Variants in KCNQ1 observed in about 807,000 individuals in gnomAD.
The protein encoded by KCNQ1 is potassium voltage-gated channel subfamily KQT member 1.
In KCNQ1, 49 loss-of-function variants were observed where a neutral mutation model predicts 72.4. The observed-to-expected ratio is 0.68, with a 90% CI of 0.54 to 0.86. The LOEUF (loss-of-function observed/expected upper bound fraction) is 0.86, where lower values mean the gene tolerates loss of function less well. Ranked by LOEUF, KCNQ1 falls within the 40% of genes least tolerant of loss-of-function variation. KCNQ1 has a pLI of 0.00. For synonymous variants in KCNQ1, 450 were observed against 412.6 expected, an observed-to-expected ratio of 1.09 and a Z score of -1.10; for missense variants, 790 against 945.1, an observed-to-expected ratio of 0.84 and a Z score of 2.15.
At position 2,848,293 on chromosome 11, in the gene KCNQ1, A is replaced by G. The variant is rs765204255; in HGVS notation, c.*290A>G. On this transcript the variant is annotated 3_prime_UTR_variant, in exon 16 of 16. Transcript: ENST00000155840. ...TGACATCACTGGCATGGTGGTTGGG[A>G]CCCAGTGGCAGGGCACAGGGCCTGG... is the stretch of plus-strand genomic sequence containing the variant. 42 of 633,150 alleles carry G rather than the reference A, an allele frequency of 6.6e-5. No individual in the cohort carries two copies. Among genetic ancestry groups the G allele is most frequent in the Admixed American group, 1.5e-4 (7 of 45,974 alleles). 39.2% of individuals were successfully genotyped at this position (633,150 alleles called of 1,614,324 possible). A position where few individuals can be genotyped will look rare whatever the true frequency, so the allele number is the denominator to read the frequency against.
intron 1 of KCNQ1, among the ~76,000 whole-genome samples, chr11:2,480,791 C>G (rs779536414): frequency 1.3e-5 from 2 of 150,306 alleles, no homozygotes; most frequent in Non-Finnish European, 3.0e-5. Context: ...ACAACAGTAC[C>G]ACATGGTTAC....
chr11:2,814,279 T>A (rs966811383), intron 15 of KCNQ1, among the ~76,000 whole-genome samples: 29 of 125,194 alleles, frequency 2.3e-4, no homozygotes, highest in African/African-American at 9.9e-4. Context: ...GGATGGATGG[T>A]GGGATGGATG....
In KCNQ1 at chr11:2,478,658, C is replaced by T. The variant is rs1031048756; in HGVS notation, c.386+33174C>T. Among the ~76,000 whole-genome samples, 1 of 152,196 alleles carries T rather than the reference C, an allele frequency of 6.6e-6. No individual in the cohort carries two copies. The highest frequency in any genetic ancestry group is 2.4e-5 in the African/African-American group (1 of 41,450). On this transcript the variant is annotated intron_variant, in intron 1 of 15. Transcript: ENST00000155840. This position sits in a 1 kb window ranked among gnomAD's most constrained non-coding sequence, Gnocchi z 4.0. ...CGTGGGAATTATGGGAGCTACAATT[C>T]ACGATGAGATTTGGGTGGGGACACA...
At position 2,486,710 on chromosome 11, in the gene KCNQ1, G is replaced by A. The variant is rs118028259; in HGVS notation, c.387-41218G>A. 1.2e-3 allele frequency among the ~76,000 whole-genome samples: 186 copies of A among 152,334 alleles called. No individual in the cohort carries two copies. The highest frequency in any genetic ancestry group is 2.4e-3 in the Non-Finnish European group (161 of 68,038). On this transcript the variant is annotated intron_variant, in intron 1 of 15. Coordinates refer to ENST00000155840, the MANE Select transcript of KCNQ1 (RefSeq NM_000218.3). This position sits in a 1 kb window ranked among gnomAD's most constrained non-coding sequence, Gnocchi z 5.0. ...AGGAAGCTTCCAATCACGGCAGAAG[G>A]TGAAGCGGGAGTAGGTGTCTCATAT... is the stretch of plus-strand genomic sequence containing the variant.
At chr11:2,793,421 A>G (rs1300578449) in intron 15 of KCNQ1, among the ~76,000 whole-genome samples, 1 of 104,854 alleles carries the variant, frequency 9.5e-6, no homozygotes. Flanking sequence ...GGAGTTCACG[A>G]CCACCCTGGG....
chr11:2,648,981 C>CTTTTTTTTTTTTTTTTTTTTTTTTT, intron 10 of KCNQ1: 15 of 213,304 alleles, frequency 7.0e-5, no homozygotes, highest in African/African-American at 2.7e-4. Flanking sequence ...TTTTCTTTTT[C>CTTTTTTTTTTTTTTTTTTTTTTTTT]TTTTTTTTTT....
rs147326797 is a variant in KCNQ1 at position 2,484,320 on chromosome 11, C to T, written c.386+38836C>T. Among the ~76,000 whole-genome samples the T allele has an allele frequency of 8.7e-4, 132 of 152,198 alleles. No homozygotes were observed. In the East Asian group the frequency reaches 0.025, roughly 28 times the overall value. ...CTGGGATTACAGGCACGTACCACCA[C>T]GCCCAACTAATATTTTGTATTTTTA... is the stretch of plus-strand genomic sequence containing the variant. On this transcript the variant is annotated intron_variant, in intron 1 of 15. Coordinates refer to ENST00000155840, the MANE Select transcript of KCNQ1 (RefSeq NM_000218.3). The surrounding 1 kb of genome is among the most constrained non-coding windows in gnomAD (Gnocchi z 5.2).
intron 15 of KCNQ1, among the ~76,000 whole-genome samples, chr11:2,799,841 G>C (rs1345324898): frequency 6.6e-6 from 1 of 152,166 alleles, no homozygotes; most frequent in South Asian, 2.1e-4. Context: ...TGCATGGGGG[G>C]TTCCAGTCAC....
chr11:2,459,072 C>T (rs1846237103), intron 1 of KCNQ1, among the ~76,000 whole-genome samples: 1 of 152,206 alleles, frequency 6.6e-6, no homozygotes, highest in Non-Finnish European at 1.5e-5. Flanking sequence ...TGAATGGCTT[C>T]CTTCCTTCCC....
chr11:2,609,751 G>T (rs1457669953), intron 10 of KCNQ1: 1 of 398,006 alleles, frequency 2.5e-6, no homozygotes, highest in African/African-American at 2.1e-5. Context: ...CTCATGAATT[G>T]ACATTTTATC....
rs1442888811 is a variant in KCNQ1, at chr11:2,776,607, G to A, written c.1686-379G>A. The stretch of plus-strand genomic sequence containing the variant: ...ACAGACTCAGAGCAGCTGTGCCTCC[G>A]AGATGGGCTCGCCTGGGAACTAGCT... On this transcript the variant is annotated intron_variant, in intron 13 of 15. Coordinates refer to ENST00000155840, the MANE Select transcript of KCNQ1 (RefSeq NM_000218.3). Among the ~76,000 whole-genome samples the A allele has an allele frequency of 3.9e-5, 6 of 152,206 alleles. No homozygotes were observed. The East Asian group carries it at 5.8e-4, about 15-fold the overall frequency.
chr11:2,749,266 G>T (rs998453104), intron 11 of KCNQ1, among the ~76,000 whole-genome samples: 1 of 152,186 alleles, frequency 6.6e-6, no homozygotes, highest in African/African-American at 2.4e-5. Context: ...GCTCTGCAGG[G>T]AGGGGTTTGG....
intron 11 of KCNQ1, among the ~76,000 whole-genome samples, chr11:2,765,916 T>C (rs949129166): frequency 6.6e-6 from 1 of 152,224 alleles, no homozygotes. Context: ...ACTTATAATG[T>C]ATGCAATCTA....
At chr11:2,577,294 C>T (rs1158482417) in intron 6 of KCNQ1, among the ~76,000 whole-genome samples, 13 of 152,152 alleles carry the variant, frequency 8.5e-5, no homozygotes, top group African/African-American at 1.7e-4. Flanking sequence ...TGTGGTGGTT[C>T]GCAGGTGGCC....
intron 10 of KCNQ1, chr11:2,650,224 C>T (rs910215078): frequency 8.0e-5 from 32 of 398,110 alleles, no homozygotes; most frequent in South Asian, 1.3e-4. Context: ...TATTTGTGTT[C>T]TCTTGTATCT....
At chr11:2,688,743 C>T in intron 11 of KCNQ1, 1 of 398,924 alleles carries the variant, frequency 2.5e-6, no homozygotes, top group Non-Finnish European at 4.4e-6. Context: ...TGAGCTGCTG[C>T]TGGTTACTGT....
chr11:2,545,696 GTGAT>G (rs1044991312), intron 2 of KCNQ1, among the ~76,000 whole-genome samples: 1 of 152,090 alleles, frequency 6.6e-6, no homozygotes, highest in Non-Finnish European at 1.5e-5. Flanking sequence ...TTCTATTCAG[GTGAT>G]TGATAATAGT....
chr11:2,780,506 C>G (rs578152271), intron 15 of KCNQ1, among the ~76,000 whole-genome samples: 1 of 152,350 alleles, frequency 6.6e-6, no homozygotes, highest in East Asian at 1.9e-4. Context: ...AGCACCCTCC[C>G]CCACCTCATC....
intron 11 of KCNQ1, among the ~76,000 whole-genome samples, chr11:2,733,381 A>C (rs1845885331): frequency 6.6e-6 from 1 of 151,836 alleles, no homozygotes; most frequent in South Asian, 2.1e-4. Flanking sequence ...CTTTCCCACA[A>C]ACCCTCAGTC....
Sources: gnomAD v4.1 joint callset for allele counts (sites outside exome capture counted in the v4.1 genomes callset) on GRCh38, gnomAD v4.1.1 for gene constraint, Gnocchi (gnomAD v3.1) non-coding constraint, MANE v1.5 for transcripts, NCBI Gene and HGNC (gene_info 2026-07-23, HGNC 2026-07-21) for gene names.